Variants in QTMAN observed in about 807,000 individuals in gnomAD.
The protein encoded by QTMAN is tRNA-queuosine alpha-mannosyltransferase.
the QTMAN span, among the ~76,000 whole-genome samples, chr2:144,055,310 AACACACACACACACAGACACACAGACAC>A: frequency 6.8e-6 from 1 of 147,076 alleles, no homozygotes; most frequent in Non-Finnish European, 1.5e-5. Flanking sequence ...CCTGAAATGG[AACACACACACACACAGACACACAGACAC>A]ACACACACAC....
At chr2:144,284,151 T>C in the QTMAN span, among the ~76,000 whole-genome samples, 29 of 150,920 alleles carry the variant, frequency 1.9e-4, no homozygotes, top group African/African-American at 6.5e-4. Context: ...AGTAGAGATA[T>C]AAAATGGTAA....
the QTMAN span, among the ~76,000 whole-genome samples, chr2:144,318,102 T>C: frequency 1.3e-4 from 20 of 151,986 alleles, no homozygotes; most frequent in Non-Finnish European, 2.8e-4. Flanking sequence ...ACTTCTTAAA[T>C]AGAATGGGAT....
the QTMAN span, among the ~76,000 whole-genome samples, chr2:144,106,100 A>G: frequency 2.6e-5 from 4 of 152,314 alleles, no homozygotes; most frequent in South Asian, 8.3e-4. Context: ...GAGCTCCTGA[A>G]GGAAGCACTA....
chr2:144,120,874 G>A, the QTMAN span, among the ~76,000 whole-genome samples: 5 of 152,050 alleles, frequency 3.3e-5, no homozygotes, highest in Non-Finnish European at 7.4e-5. Flanking sequence ...TTTCATCTTC[G>A]TTACATCCAA....
the QTMAN span, among the ~76,000 whole-genome samples, chr2:144,091,263 C>T: frequency 6.6e-6 from 1 of 151,908 alleles, no homozygotes; most frequent in Non-Finnish European, 1.5e-5. Flanking sequence ...ATTGTAAAAC[C>T]TAAATCTAAA....
the QTMAN span, among the ~76,000 whole-genome samples, chr2:143,968,916 G>A: frequency 1.2e-4 from 19 of 152,230 alleles, no homozygotes; most frequent in Non-Finnish European, 2.4e-4. Flanking sequence ...ATATCGTTGC[G>A]AGACACAGCT....
At chr2:143,958,782 C>CTTTTTTTTTTTT in the QTMAN span, among the ~76,000 whole-genome samples, 2 of 113,368 alleles carry the variant, frequency 1.8e-5, no homozygotes, top group African/African-American at 3.2e-5. Flanking sequence ...TTCTTTCTTT[C>CTTTTTTTTTTTT]TTTTTTTTTT....
chr2:144,326,482 G>A, the QTMAN span, among the ~76,000 whole-genome samples: 3 of 151,636 alleles, frequency 2.0e-5, no homozygotes, highest in South Asian at 4.2e-4. Context: ...AGCTACTCGG[G>A]AGGCTGAGGC....
the QTMAN span, among the ~76,000 whole-genome samples, chr2:144,238,865 C>A: frequency 6.2e-4 from 94 of 152,266 alleles, no homozygotes; most frequent in Non-Finnish European, 1.1e-3. Context: ...CTGGCAAGAA[C>A]CAATTACTTA....
chr2:144,188,528 T>TGGAC, the QTMAN span, among the ~76,000 whole-genome samples: 2 of 151,638 alleles, frequency 1.3e-5, no homozygotes, highest in Non-Finnish European at 2.9e-5. Context: ...GATGGATGGA[T>TGGAC]GGATGGATGG....
At chr2:144,078,080 A>C in the QTMAN span, among the ~76,000 whole-genome samples, 3 of 152,230 alleles carry the variant, frequency 2.0e-5, no homozygotes, top group Non-Finnish European at 4.4e-5. Flanking sequence ...AGGCTCAATT[A>C]GTCCCTGAAA....
At chr2:144,155,143 T>C in the QTMAN span, among the ~76,000 whole-genome samples, 1 of 152,170 alleles carries the variant, frequency 6.6e-6, no homozygotes, top group Non-Finnish European at 1.5e-5. Flanking sequence ...TTTATTGAGC[T>C]CATTAGTTTT....
chr2:144,302,095 T>C, the QTMAN span, among the ~76,000 whole-genome samples: 1 of 151,988 alleles, frequency 6.6e-6, no homozygotes, highest in Non-Finnish European at 1.5e-5. Flanking sequence ...CCACCACACA[T>C]CCAAGTGCTC....
At chr2:143,940,054 T>C in the QTMAN span, 1 of 152,218 alleles carries the variant, frequency 6.6e-6, no homozygotes, top group Non-Finnish European at 1.5e-5. Flanking sequence ...TTGTACAATT[T>C]TTATGCATCC....
At chr2:144,190,409 T>C in the QTMAN span, among the ~76,000 whole-genome samples, 1 of 152,196 alleles carries the variant, frequency 6.6e-6, no homozygotes, top group African/African-American at 2.4e-5. Flanking sequence ...AAGGACCAGG[T>C]AGTCATGCTT....
the QTMAN span, among the ~76,000 whole-genome samples, chr2:144,262,759 GGAGAGCAGAGATGGAAT>G: frequency 1.9e-5 from 1 of 52,896 alleles, no homozygotes; most frequent in Non-Finnish European, 3.9e-5. Context: ...GGGGAGGGGA[GGAGAGCAGAGATGGAAT>G]GGGAGGGGAG....
chr2:144,138,304 A>G, the QTMAN span, among the ~76,000 whole-genome samples: 1 of 152,096 alleles, frequency 6.6e-6, no homozygotes, highest in Non-Finnish European at 1.5e-5. Context: ...GAATAGTTTT[A>G]ACTCAGAACA....
the QTMAN span, among the ~76,000 whole-genome samples, chr2:144,207,239 ACCT>A: frequency 6.6e-6 from 1 of 152,238 alleles, no homozygotes; most frequent in African/African-American, 2.4e-5. Flanking sequence ...ACAGCATTTT[ACCT>A]TTAAAATCCT....
At chr2:144,226,984 T>G in the QTMAN span, among the ~76,000 whole-genome samples, 349 of 152,276 alleles carry the variant, frequency 2.3e-3, 2 homozygotes, top group African/African-American at 7.6e-3. Flanking sequence ...CTCTTAAGAT[T>G]TCTTTTGGAC....
Sources: allele counts gnomAD v4.1 joint callset (sites outside exome capture counted in the v4.1 genomes callset), GRCh38; gene constraint gnomAD v4.1.1; transcripts MANE v1.5; gene names NCBI Gene and HGNC (gene_info 2026-07-23, HGNC 2026-07-21).